The following SIM1 variants were observed in gnomAD, a reference collection of about 807,000 sequenced individuals.
The protein encoded by SIM1 is SIM bHLH transcription factor 1.
SIM1 carries 18 observed loss-of-function variants against 78.2 expected under a neutral mutation model. The ratio of observed to expected loss-of-function variants is 0.23; its 90% CI spans 0.16 to 0.34. The LOEUF (loss-of-function observed/expected upper bound fraction) is 0.34. Among genes scored for constraint, SIM1 ranks in the 10% least tolerant of loss-of-function variants. The probability of loss-of-function intolerance (pLI) is 1.00; values close to 1 mark genes in which losing one functional copy is unlikely to be tolerated. For synonymous variants in SIM1, 417 were observed against 385.2 expected, an observed-to-expected ratio of 1.08 and a Z score of -0.97; for missense variants, 939 against 975.1, an observed-to-expected ratio of 0.96 and a Z score of 0.49.
At chr6:100,411,210 C>A (rs542955191) in intron 10 of SIM1, among the ~76,000 whole-genome samples, 3 of 152,162 alleles carry the variant, frequency 2.0e-5, no homozygotes, top group African/African-American at 7.2e-5. Context: ...TCCTACACAG[C>A]CACTCAACTG....
intron 2 of SIM1, among the ~76,000 whole-genome samples, chr6:100,457,353 G>T (rs1441696639): frequency 5.3e-5 from 8 of 152,230 alleles, no homozygotes; most frequent in Admixed American, 3.3e-4. Flanking sequence ...CGGAGGCCCT[G>T]TTCCATGACC....
rs17060489 is a variant in SIM1, at chr6:100,391,487, C to A, written c.1571-396G>T. On this transcript the variant is annotated intron_variant, in intron 11 of 11. Coordinates refer to ENST00000369208, the MANE Select transcript of SIM1 (RefSeq NM_005068.3). ...GTTTATGTTATTCTGTAGAGCAGTG[C>A]CATGTTAAATTGATGCTTGAAAAAT... is the stretch of plus-strand genomic sequence containing the variant. 6.8e-4 allele frequency among the ~76,000 whole-genome samples: 104 copies of A among 152,228 alleles called. 2 individuals are homozygous for A. In the East Asian group the frequency reaches 0.018, roughly 26 times the overall value.
At chr6:100,404,303 A>T (rs3798513) in intron 10 of SIM1, among the ~76,000 whole-genome samples, 1 of 152,214 alleles carries the variant, frequency 6.6e-6, no homozygotes, top group African/African-American at 2.4e-5. Context: ...ATGTTCCAAC[A>T]ATAGATGTTA....
At chr6:100,407,960 G>T (rs1424608465) in intron 10 of SIM1, among the ~76,000 whole-genome samples, 1 of 151,774 alleles carries the variant, frequency 6.6e-6, no homozygotes, top group Non-Finnish European at 1.5e-5. Flanking sequence ...TGTTTATTTT[G>T]CTATGCAGAA....
At chr6:100,415,625 T>C (rs1472126734) in intron 10 of SIM1, among the ~76,000 whole-genome samples, 2 of 152,142 alleles carry the variant, frequency 1.3e-5, no homozygotes, top group East Asian at 1.9e-4. Context: ...TTCCTAAGGG[T>C]ATCTCATAGC....
At chr6:100,458,137 G>C (rs932252017) in intron 2 of SIM1, among the ~76,000 whole-genome samples, 1 of 151,274 alleles carries the variant, frequency 6.6e-6, no homozygotes, top group Non-Finnish European at 1.5e-5. Context: ...GGGCCAACCT[G>C]GCTGCCCGAG....
chr6:100,456,393 C>T (rs1282825387), intron 2 of SIM1, among the ~76,000 whole-genome samples: 3 of 152,166 alleles, frequency 2.0e-5, no homozygotes, highest in Non-Finnish European at 4.4e-5. Context: ...TTCGCAAATC[C>T]TTTGATTGTC....
chr6:100,449,300 C>T, intron 6 of SIM1, 63 bp downstream of exon 6: 2 of 1,395,504 alleles, frequency 1.4e-6, no homozygotes, highest in East Asian at 2.3e-5. Context: ...TCCTCCCACG[C>T]CGCACGCGCC....
chr6:100,393,864 G>A lies in SIM1; in HGVS notation c.1193C>T (p.Ser398Leu), dbSNP rs1344055699. Reference sequence around the variant, plus strand: ...CCACTGGCTGTCATGATCAGATTCCGATCTTTCTGTGTGAAATCCCGAATA... The same window carrying A: ...CCACTGGCTGTCATGATCAGATTCCAATCTTTCTGTGTGAAATCCCGAATA... ...PQYSGFHTER[S>L]ESDHDSQWGG... Residue 398 changes from serine (S) to leucine (L), a missense_variant, in exon 11 of 12, where the codon TCG becomes TTG. Ser to Leu is a moderately radical substitution (Grantham distance 145, BLOSUM62 -2). Transcript: ENST00000369208. 4.5e-5 allele frequency: 71 copies of A among 1,570,574 alleles called. No individual in the cohort carries two copies. The highest frequency in any genetic ancestry group is 5.9e-5 in the Non-Finnish European group (68 of 1,155,086).
At chr6:100,443,536 G>C (rs1314998386) in intron 9 of SIM1, among the ~76,000 whole-genome samples, 1 of 152,174 alleles carries the variant, frequency 6.6e-6, no homozygotes, top group East Asian at 1.9e-4. Flanking sequence ...TCCTACGAAA[G>C]TCTCCTCACA....
intron 9 of SIM1, among the ~76,000 whole-genome samples, chr6:100,439,865 A>C (rs1002210000): frequency 3.9e-5 from 6 of 152,166 alleles, no homozygotes; most frequent in Admixed American, 3.3e-4. Context: ...TCTACATAGA[A>C]ATCTCTACTC....
chr6:100,457,736 C>A (rs979097569), intron 2 of SIM1, among the ~76,000 whole-genome samples: 1 of 152,250 alleles, frequency 6.6e-6, no homozygotes, highest in African/African-American at 2.4e-5. Flanking sequence ...CCGACCCCAC[C>A]TCTGGCACTG....
At position 100,390,642 on chromosome 6, in the gene SIM1, C is replaced by T; in HGVS notation, c.2020G>A (p.Ala674Thr). ...DRISKSSLILAKDYLHSDISP... is the reference protein window; with the variant it reads ...DRISKSSLILTKDYLHSDISP... ...ATATCCGAATGCAGATAGTCTTTAG[C>T]TAGGATCAAACTGGATTTTGAAATG... is the stretch of plus-strand genomic sequence containing the variant. Residue 674 changes from alanine to threonine, a missense_variant, in exon 12 of 12, where the codon GCT (alanine) becomes ACT (threonine). Ala to Thr is a moderately conservative substitution (Grantham distance 58, BLOSUM62 0). This residue lies in a region of SIM1 where 556 missense variants were observed against 521.9 expected (regional missense o/e 1.07). Coordinates refer to ENST00000369208, the MANE Select transcript of SIM1 (RefSeq NM_005068.3). The T allele has an allele frequency of 6.2e-7, 1 of 1,614,162 alleles. No homozygotes were observed. Among genetic ancestry groups the T allele is most frequent in the South Asian group, 1.1e-5 (1 of 91,076 alleles).
At chr6:100,458,775 G>A (rs574015475) in intron 2 of SIM1, among the ~76,000 whole-genome samples, 2 of 152,372 alleles carry the variant, frequency 1.3e-5, no homozygotes, top group South Asian at 4.1e-4. Context: ...CGAGTGACAA[G>A]GCGCAGGAAC....
intron 9 of SIM1, among the ~76,000 whole-genome samples, chr6:100,436,197 G>T (rs1772045033): frequency 6.6e-6 from 1 of 152,134 alleles, no homozygotes; most frequent in African/African-American, 2.4e-5. Flanking sequence ...CTCCATAAAG[G>T]CATCTCAGTT....
At chr6:100,429,419 C>G (rs1221221069) in intron 9 of SIM1, among the ~76,000 whole-genome samples, 1 of 150,666 alleles carries the variant, frequency 6.6e-6, no homozygotes, top group Non-Finnish European at 1.5e-5. Flanking sequence ...ACAGCATAAT[C>G]TCTTCAGTTT....
rs1189500818 is a variant in SIM1 at position 100,450,335 on chromosome 6, C to T, written c.280G>A (p.Val94Met). Reference protein sequence around the residue: ...LLQTLDGFIFVVAPDGKIMYI... With the variant: ...LLQTLDGFIFMVAPDGKIMYI... ...ATGATCTTCCCATCTGGGGCTACCACGAAGATGAAGCCATCCAGGGTCTGG... is the reference window on the plus strand; with the variant it reads ...ATGATCTTCCCATCTGGGGCTACCATGAAGATGAAGCCATCCAGGGTCTGG... Residue 94 changes from valine to methionine, a missense_variant, in exon 4 of 12, where the codon GTG (valine) becomes ATG (methionine). This residue lies in a region of SIM1 where 121 missense variants were observed against 124.6 expected (regional missense o/e 0.97). Coordinates refer to ENST00000369208, the MANE Select transcript of SIM1 (RefSeq NM_005068.3). 18 of 1,613,926 alleles carry T rather than the reference C, an allele frequency of 1.1e-5. No homozygotes were observed. Among genetic ancestry groups the T allele is most frequent in the African/African-American group, 9.3e-5 (7 of 74,918 alleles).
At chr6:100,426,511 T>C (rs1771733758) in intron 9 of SIM1, among the ~76,000 whole-genome samples, 1 of 152,170 alleles carries the variant, frequency 6.6e-6, no homozygotes, top group African/African-American at 2.4e-5. Flanking sequence ...GGAAAGCCAA[T>C]AGAAGGTGTC....
In SIM1 at chr6:100,398,237, C is replaced by T. The variant is rs531878620; in HGVS notation, c.1168-4348G>A. The stretch of plus-strand genomic sequence containing the variant: ...AGCTACCTCCCTCCACTTCCAAGTC[C>T]TCTTTAATTGTTTCCTTTCTTTTTC... On this transcript the variant is annotated intron_variant, in intron 10 of 11. Coordinates refer to ENST00000369208, the MANE Select transcript of SIM1 (RefSeq NM_005068.3). Among the ~76,000 whole-genome samples the T allele has an allele frequency of 2.0e-5, 3 of 152,212 alleles. No individual in the cohort carries two copies. In the East Asian group the frequency reaches 5.8e-4, roughly 29 times the overall value.
Sources: gnomAD v4.1 joint callset for allele counts (sites outside exome capture counted in the v4.1 genomes callset) on GRCh38, gnomAD v4.1.1 for gene constraint, gnomAD v4.1.1 regional missense constraint, MANE v1.5 for transcripts, NCBI Gene and HGNC (gene_info 2026-07-23, HGNC 2026-07-21) for gene names.